Variants in OPA1 observed in about 807,000 individuals in gnomAD.
OPA1 encodes the protein OPA1 mitochondrial dynamin like GTPase, also known as dynamin-like GTPase OPA1, mitochondrial.
OPA1 carries 59 observed loss-of-function variants against 152.9 expected under a neutral mutation model. The ratio of observed to expected loss-of-function variants is 0.39; its 90% CI spans 0.31 to 0.48. The LOEUF (loss-of-function observed/expected upper bound fraction) is 0.48, where lower values mean the gene tolerates loss of function less well. OPA1 is among the 20% of genes least tolerant of loss of function. The pLI, the probability that OPA1 is intolerant of heterozygous loss-of-function variation, is 0.96. For missense variants in OPA1, 1,008 were observed against 1,216.8 expected (o/e 0.83, Z 2.55); for synonymous variants, 400 against 389.9 (o/e 1.03, Z -0.31).
intron 21 of OPA1, among the ~76,000 whole-genome samples, chr3:193,653,982 A>G (rs1713160465): frequency 6.6e-6 from 1 of 151,438 alleles, no homozygotes; most frequent in Non-Finnish European, 1.5e-5. Context: ...CAAACATTTC[A>G]AAAAAAAATT....
intron 29 of OPA1, among the ~76,000 whole-genome samples, chr3:193,688,498 A>T (rs1403894486): frequency 3.7e-5 from 2 of 53,502 alleles, no homozygotes; most frequent in South Asian, 9.5e-4. Context: ...TTTTTTTTTG[A>T]GACAGAGTCT....
chr3:193,690,532 T>A (rs1442741020), intron 29 of OPA1, among the ~76,000 whole-genome samples: 2 of 151,824 alleles, frequency 1.3e-5, no homozygotes, highest in Non-Finnish European at 2.9e-5. Context: ...AAGAATAAAT[T>A]ACTGGAAAAA....
intron 1 of OPA1, among the ~76,000 whole-genome samples, chr3:193,611,073 G>A (rs1160041595): frequency 6.6e-6 from 1 of 152,208 alleles, no homozygotes. Context: ...TCCCCAGTGA[G>A]ATGAACCCAG....
intron 29 of OPA1, among the ~76,000 whole-genome samples, chr3:193,667,838 C>A (rs531051180): frequency 1.1e-4 from 17 of 152,126 alleles, no homozygotes; most frequent in Non-Finnish European, 1.9e-4. Context: ...ATATCTAATT[C>A]TCAGACCCCT....
intron 29 of OPA1, among the ~76,000 whole-genome samples, chr3:193,677,291 CTT>C (rs752472474): frequency 4.0e-5 from 5 of 125,428 alleles, no homozygotes; most frequent in East Asian, 4.6e-4. Context: ...TCTTTTACTT[CTT>C]TTTTTTTTTT....
At chr3:193,623,302 G>A (rs1008701678) in intron 6 of OPA1, among the ~76,000 whole-genome samples, 32 of 152,222 alleles carry the variant, frequency 2.1e-4, no homozygotes, top group Admixed American at 5.9e-4. Context: ...TGAATTGTGG[G>A]AGACAAAAAT....
intron 9 of OPA1, 24 bp downstream of exon 9, chr3:193,635,546 T>G (rs1290905211): frequency 7.1e-7 from 1 of 1,413,460 alleles, no homozygotes; most frequent in Non-Finnish European, 1.0e-6. Flanking sequence ...GTCTTGTTTA[T>G]TCTCAAAATT....
At chr3:193,618,656 A>G in intron 5 of OPA1, 2 of 546,154 alleles carry the variant, frequency 3.7e-6, no homozygotes, top group South Asian at 2.2e-5. Context: ...TAGGTTAAAC[A>G]TATGCTGCGA....
chr3:193,664,364 A>G (rs1716025109), intron 26 of OPA1, among the ~76,000 whole-genome samples: 1 of 152,066 alleles, frequency 6.6e-6, no homozygotes. Flanking sequence ...TTTGCTCAAA[A>G]AAGGACAGAG....
rs976380469 is a variant in OPA1 at position 193,697,632 on chromosome 3, C to T, written c.*3032C>T. 1 of 152,050 alleles carries T rather than the reference C, an allele frequency of 6.6e-6. No individual in the cohort carries two copies. The highest frequency in any genetic ancestry group is 2.4e-5 in the African/African-American group (1 of 41,394). 9.4% of individuals were successfully genotyped at this position (152,050 alleles called of 1,614,324 possible). A position where few individuals can be genotyped will look rare whatever the true frequency, so the allele number is the denominator to read the frequency against. Reference sequence around the variant, plus strand: ...TCATTATTTGACCCCATAGTATAACCAGATTCATGGTCTAACAAGCTCTCA... The same window carrying T: ...TCATTATTTGACCCCATAGTATAACTAGATTCATGGTCTAACAAGCTCTCA... On this transcript the variant is annotated 3_prime_UTR_variant, in exon 31 of 31. Coordinates refer to ENST00000361510, the MANE Select transcript of OPA1 (RefSeq NM_130837.3).
intron 19 of OPA1, 134 bp downstream of exon 19, chr3:193,647,314 G>GA: frequency 7.5e-6 from 5 of 670,392 alleles, no homozygotes; most frequent in Non-Finnish European, 1.1e-5. Flanking sequence ...ACAGTATCTG[G>GA]AAAATAGAAG....
intron 6 of OPA1, among the ~76,000 whole-genome samples, chr3:193,623,656 A>G (rs937528459): frequency 2.0e-5 from 3 of 152,164 alleles, no homozygotes; most frequent in Non-Finnish European, 4.4e-5. Context: ...TGTATTTTAT[A>G]TATTATATAC....
At chr3:193,596,256 T>C (rs1477641869) in intron 1 of OPA1, among the ~76,000 whole-genome samples, 1 of 149,670 alleles carries the variant, frequency 6.7e-6, no homozygotes, top group Non-Finnish European at 1.5e-5. Flanking sequence ...ATTCATTTCA[T>C]GGTTTTACTG....
chr3:193,618,295 G>A (rs1483706153), intron 5 of OPA1, among the ~76,000 whole-genome samples: 1 of 151,928 alleles, frequency 6.6e-6, no homozygotes, highest in Non-Finnish European at 1.5e-5. Context: ...TGGCTAACAC[G>A]GTGAAACCCC....
intron 1 of OPA1, among the ~76,000 whole-genome samples, chr3:193,596,335 C>CCTTTCCTTTCCTTTCCTTTT (rs1224361507): frequency 4.7e-5 from 6 of 126,610 alleles, no homozygotes; most frequent in African/African-American, 1.4e-4. Context: ...CCTTTCCTTT[C>CCTTTCCTTTCCTTTCCTTTT]CTTTTCTTTT....
chr3:193,615,897 G>C (rs1192107204), intron 3 of OPA1, 127 bp downstream of exon 3: 2 of 669,784 alleles, frequency 3.0e-6, no homozygotes, highest in Non-Finnish European at 2.7e-6. Flanking sequence ...ATAAGTAATA[G>C]AATATCAATG....
chr3:193,668,447 T>C (rs1315461465), intron 29 of OPA1: 7 of 1,550,388 alleles, frequency 4.5e-6, no homozygotes, highest in Non-Finnish European at 6.1e-6. Flanking sequence ...CGTCATGGAG[T>C]CCCTTTTACT....
At chr3:193,615,517 T>C (rs1728881732) in intron 2 of OPA1, among the ~76,000 whole-genome samples, 157 bp from the exon 3 acceptor site, 1 of 152,280 alleles carries the variant, frequency 6.6e-6, no homozygotes, top group Non-Finnish European at 1.5e-5. Context: ...ACTTGTTTTA[T>C]ATGCTTGTTT....
intron 29 of OPA1, among the ~76,000 whole-genome samples, chr3:193,687,340 T>C (rs891734648): frequency 2.0e-5 from 3 of 152,180 alleles, no homozygotes; most frequent in Admixed American, 6.5e-5. Context: ...AAGTAAACAT[T>C]GGATAAATGG....
Sources: gnomAD v4.1 joint callset for allele counts (sites outside exome capture counted in the v4.1 genomes callset) on GRCh38, gnomAD v4.1.1 for gene constraint, MANE v1.5 for transcripts, NCBI Gene and HGNC (gene_info 2026-07-23, HGNC 2026-07-21) for gene names.